RRM1: variants seen among roughly 807,000 people sequenced by gnomAD.
RRM1 encodes the protein ribonucleoside-diphosphate reductase large subunit.
In RRM1, 19 loss-of-function variants were observed where a neutral mutation model predicts 101.5. The ratio of observed to expected loss-of-function variants is 0.19; its 90% CI spans 0.13 to 0.27. The LOEUF (loss-of-function observed/expected upper bound fraction) is 0.27, where lower values mean the gene tolerates loss of function less well. Ranked by LOEUF, RRM1 falls within the 10% of genes least tolerant of loss-of-function variation. The probability of loss-of-function intolerance (pLI) is 1.00; values close to 1 mark genes in which losing one functional copy is unlikely to be tolerated. For synonymous variants in RRM1, 298 were observed against 323.4 expected, an observed-to-expected ratio of 0.92 and a Z score of 0.84; for missense variants, 500 against 962.9, an observed-to-expected ratio of 0.52 and a Z score of 6.36.
chr11:4,118,915 CTTAGA>C (rs2094577710), intron 8 of RRM1: 1 of 152,754 alleles, frequency 6.5e-6, no homozygotes, highest in Non-Finnish European at 1.5e-5. Context: ...GAAATTGAGA[CTTAGA>C]AAGTTGTTAC....
At chr11:4,100,817 A>T (rs1000466880) in intron 1 of RRM1, among the ~76,000 whole-genome samples, 1 of 152,190 alleles carries the variant, frequency 6.6e-6, no homozygotes, top group Non-Finnish European at 1.5e-5. Context: ...TATAATAATT[A>T]ACCCCTTTCT....
intron 7 of RRM1, among the ~76,000 whole-genome samples, chr11:4,116,627 G>A (rs755171375): frequency 5.3e-5 from 8 of 151,828 alleles, no homozygotes; most frequent in Non-Finnish European, 1.2e-4. Context: ...AAAAAAACAA[G>A]TTTCAGACTG....
chr11:4,105,578 CT>C (rs55705631), intron 2 of RRM1: 5,647 of 275,522 alleles, frequency 0.02, no homozygotes, highest in Middle Eastern at 0.045. Flanking sequence ...TTTTTCTTTC[CT>C]TTTTTTTTTT....
intron 9 of RRM1, among the ~76,000 whole-genome samples, chr11:4,121,169 G>T (rs1164010928): frequency 6.6e-6 from 1 of 152,222 alleles, no homozygotes; most frequent in African/African-American, 2.4e-5. Context: ...CTAATCGCTT[G>T]TTGGTTTATG....
intron 5 of RRM1, among the ~76,000 whole-genome samples, chr11:4,110,018 G>T (rs1231559514): frequency 1.3e-5 from 2 of 152,142 alleles, no homozygotes; most frequent in African/African-American, 4.8e-5. Context: ...TAGTGACTGA[G>T]AACATGAATG....
intron 8 of RRM1, among the ~76,000 whole-genome samples, chr11:4,119,448 T>G (rs2094578436): frequency 6.6e-6 from 1 of 152,224 alleles, no homozygotes; most frequent in South Asian, 2.1e-4. Flanking sequence ...TAATTCTTAT[T>G]GTAAATTGCC....
At chr11:4,114,623 C>T (rs930539955) in intron 7 of RRM1, among the ~76,000 whole-genome samples, 1 of 151,636 alleles carries the variant, frequency 6.6e-6, no homozygotes, top group Non-Finnish European at 1.5e-5. Flanking sequence ...ACATTGTGCA[C>T]ACTAAATTTA....
intron 17 of RRM1, among the ~76,000 whole-genome samples, chr11:4,133,920 C>A (rs1020996444): frequency 6.6e-6 from 1 of 151,620 alleles, no homozygotes; most frequent in Non-Finnish European, 1.5e-5. Flanking sequence ...CTTTTAAAAT[C>A]CTGAAGCTTA....
At chr11:4,100,199 G>A (rs1158305568) in intron 1 of RRM1, among the ~76,000 whole-genome samples, 1 of 152,228 alleles carries the variant, frequency 6.6e-6, no homozygotes, top group African/African-American at 2.4e-5. Flanking sequence ...TAATAGTGAT[G>A]TCTTATTGTT....
At position 4,138,609 on chromosome 11, in the gene RRM1, C is replaced by G. The variant is rs907585477; in HGVS notation, c.*226C>G. 2 of 334,990 alleles carry G rather than the reference C, an allele frequency of 6.0e-6. No individual in the cohort carries two copies. The highest frequency in any genetic ancestry group is 1.1e-5 in the Non-Finnish European group (2 of 187,102). The allele number at this position is 334,990 out of a possible 1,614,324, so 20.8% of individuals were successfully genotyped here. ...GCTTTTGAAAAAAAGAAAAAAAAAA[C>G]GGATATATTGAGAATCAAAGTAGAA... On this transcript the variant is annotated 3_prime_UTR_variant, in exon 19 of 19. Transcript: ENST00000300738.
rs1173843837 is a variant in RRM1 at position 4,103,284 on chromosome 11, T to C, written c.108+1203T>C. ...AATGATTTTATGTATCTTGAAAATA[T>C]GTTTATTGTAAATTCTCTTTTATAT... On this transcript the variant is annotated intron_variant, in intron 2 of 18. Transcript: ENST00000300738. 3.3e-5 allele frequency among the ~76,000 whole-genome samples: 5 copies of C among 152,376 alleles called. No homozygotes were observed. The East Asian group carries it at 9.6e-4, about 29-fold the overall frequency.
In RRM1 at chr11:4,094,922, C is replaced by A; in HGVS notation, c.-91C>A. The stretch of plus-strand genomic sequence containing the variant: ...CCCCTGAGCAGCGCCTGGAACCTAA[C>A]CCTTCCCACTCTGTCACCTTCTCGA... On this transcript the variant is annotated 5_prime_UTR_variant, in exon 1 of 19. Coordinates refer to ENST00000300738, the MANE Select transcript of RRM1 (RefSeq NM_001033.5). The A allele has an allele frequency of 1.4e-6, 2 of 1,386,596 alleles. No homozygotes were observed. Among genetic ancestry groups the A allele is most frequent in the Non-Finnish European group, 2.0e-6 (2 of 996,742 alleles). The allele number at this position is 1,386,596 out of a possible 1,614,324, so 85.9% of individuals were successfully genotyped here.
At chr11:4,104,812 T>C (rs924229582) in intron 2 of RRM1, among the ~76,000 whole-genome samples, 3 of 152,198 alleles carry the variant, frequency 2.0e-5, no homozygotes, top group Non-Finnish European at 4.4e-5. Flanking sequence ...CATTAAATTA[T>C]CATAATTCAG....
intron 6 of RRM1, 30 bp from the exon 7 acceptor site, chr11:4,111,870 A>T (rs771046548): frequency 9.4e-6 from 15 of 1,591,990 alleles, no homozygotes; most frequent in Non-Finnish European, 1.3e-5. Flanking sequence ...CTGACGTCTC[A>T]TCATGTGAAA....
chr11:4,103,603 G>A (rs568418845), intron 2 of RRM1, among the ~76,000 whole-genome samples: 4 of 152,052 alleles, frequency 2.6e-5, no homozygotes, highest in Non-Finnish European at 4.4e-5. Context: ...CACTTTGGGA[G>A]ACTGAGGTAG....
At chr11:4,095,396 GAGCGAGGTGTCGCCGACTGACCC>G (rs2094542243) in intron 1 of RRM1, among the ~76,000 whole-genome samples, 1 of 18,492 alleles carries the variant, frequency 5.4e-5, no homozygotes, top group Non-Finnish European at 4.1e-4. Flanking sequence ...CTGACGCTCA[GAGCGAGGTGTCGCCGACTGACCC>G]AAAGTCACCC....
intron 14 of RRM1, among the ~76,000 whole-genome samples, 191 bp from the exon 15 acceptor site, chr11:4,128,883 T>C (rs191499374): frequency 1.3e-5 from 2 of 152,302 alleles, no homozygotes; most frequent in African/African-American, 4.8e-5. Context: ...CTTAGCCTGC[T>C]TCTGATCAAT....
At position 4,138,597 on chromosome 11, in the gene RRM1, A is replaced by AT; in HGVS notation, c.*214_*215insT. On this transcript the variant is annotated 3_prime_UTR_variant, in exon 19 of 19. Transcript: ENST00000300738. ...CACCAAAATAATGCTTTTGAAAAAA[A>AT]GAAAAAAAAAACGGATATATTGAGA... The AT allele has an allele frequency of 1.4e-5, 5 of 365,054 alleles. No individual in the cohort carries two copies. Among genetic ancestry groups the AT allele is most frequent in the Non-Finnish European group, 1.5e-5 (3 of 206,288 alleles). 22.6% of individuals were successfully genotyped at this position (365,054 alleles called of 1,614,324 possible).
At position 4,123,274 on chromosome 11, in the gene RRM1, T is replaced by A. The variant is rs113532477; in HGVS notation, c.1210T>A (p.Tyr404Asn). 1 of 1,614,114 alleles carries A rather than the reference T, an allele frequency of 6.2e-7. No homozygotes were observed. The highest frequency in any genetic ancestry group is 1.3e-5 in the African/African-American group (1 of 75,034). The change falls in exon 12 of 19, where the codon TAT becomes AAT. Residue 404 changes from tyrosine (Y) to asparagine (N), a missense_variant. By Grantham distance (143) the Tyr-to-Asn change is moderately radical (BLOSUM62 -2). Transcript: ENST00000300738. The stretch of plus-strand genomic sequence containing the variant: ...GTCTCAGACGGAAACAGGCACCCCG[T>A]ATATGCTCTACAAAGATTCCTGTAA... ...IESQTETGTP[Y>N]MLYKDSCNRK...
Sources: allele counts gnomAD v4.1 joint callset (sites outside exome capture counted in the v4.1 genomes callset), GRCh38; gene constraint gnomAD v4.1.1; transcripts MANE v1.5; gene names NCBI Gene and HGNC (gene_info 2026-07-23, HGNC 2026-07-21).